Variants in NKAIN3 observed in about 807,000 individuals in gnomAD.
The protein encoded by NKAIN3 is sodium/potassium transporting ATPase interacting 3.
NKAIN3 carries 25 observed loss-of-function variants against 30.2 expected under a neutral mutation model. The observed-to-expected ratio is 0.83, with a 90% CI of 0.60 to 1.16. The LOEUF is 1.16. Ranked by LOEUF, NKAIN3 falls within the 50% of genes most tolerant of loss-of-function variation. The pLI, the probability that NKAIN3 is intolerant of heterozygous loss-of-function variation, is 0.00. For missense variants in NKAIN3, 225 were observed against 254.1 expected, an observed-to-expected ratio of 0.89 and a Z score of 0.78; for synonymous variants, 91 against 89.6, an observed-to-expected ratio of 1.02 and a Z score of -0.09.
chr8:62,901,723 C>T (rs1222229179), intron 4 of NKAIN3, among the ~76,000 whole-genome samples: 8 of 152,200 alleles, frequency 5.3e-5, no homozygotes, highest in East Asian at 1.9e-4. Flanking sequence ...TTCCCTACTA[C>T]GAAACATCCC....
intron 4 of NKAIN3, among the ~76,000 whole-genome samples, chr8:62,859,413 C>A (rs1468572670): frequency 6.7e-6 from 1 of 149,262 alleles, no homozygotes; most frequent in Admixed American, 6.8e-5. Flanking sequence ...AACCTTAGGC[C>A]AAGCTTGTCT....
intron 4 of NKAIN3, among the ~76,000 whole-genome samples, chr8:62,799,822 G>T (rs1460946364): frequency 6.6e-6 from 1 of 152,136 alleles, no homozygotes; most frequent in Non-Finnish European, 1.5e-5. Flanking sequence ...CCAACGAGTG[G>T]ATAGAGAGAA....
chr8:62,615,990 T>A (rs1341608151), intron 3 of NKAIN3, among the ~76,000 whole-genome samples: 2 of 152,164 alleles, frequency 1.3e-5, no homozygotes, highest in African/African-American at 4.8e-5. Flanking sequence ...TAGATAGTTG[T>A]TAACTTGGTG....
At chr8:62,497,571 G>A (rs895620242) in intron 1 of NKAIN3, among the ~76,000 whole-genome samples, 1 of 151,982 alleles carries the variant, frequency 6.6e-6, no homozygotes, top group Non-Finnish European at 1.5e-5. Context: ...TTTTTACTTG[G>A]TTCCAGGTGT....
At chr8:62,640,749 T>C (rs1177171738) in intron 3 of NKAIN3, among the ~76,000 whole-genome samples, 1 of 152,112 alleles carries the variant, frequency 6.6e-6, no homozygotes, top group Admixed American at 6.5e-5. Context: ...GTGGGATTCC[T>C]CTGAGCACCC....
intron 4 of NKAIN3, among the ~76,000 whole-genome samples, chr8:62,800,763 T>C (rs1024177497): frequency 2.0e-5 from 3 of 152,040 alleles, no homozygotes; most frequent in African/African-American, 7.2e-5. Flanking sequence ...AGACAGTGGG[T>C]GCAGGTCAGT....
chr8:62,520,042 A>G (rs558500259), intron 1 of NKAIN3, among the ~76,000 whole-genome samples: 5 of 152,288 alleles, frequency 3.3e-5, no homozygotes, highest in African/African-American at 1.2e-4. Flanking sequence ...CAAACAAGAC[A>G]ATCCAACAAA....
intron 1 of NKAIN3, among the ~76,000 whole-genome samples, chr8:62,484,421 T>C (rs948886493): frequency 6.6e-6 from 1 of 152,222 alleles, no homozygotes; most frequent in Non-Finnish European, 1.5e-5. Flanking sequence ...CACCATTAGT[T>C]GAACTACTTC....
chr8:62,553,539 C>CTTT (rs34367834), intron 1 of NKAIN3, among the ~76,000 whole-genome samples: 5 of 142,922 alleles, frequency 3.5e-5, no homozygotes, highest in African/African-American at 5.1e-5. Context: ...ATACTGAACA[C>CTTT]TTTTTTTTTT....
At chr8:62,673,116 G>T (rs2130392484) in intron 3 of NKAIN3, among the ~76,000 whole-genome samples, 1 of 152,306 alleles carries the variant, frequency 6.6e-6, no homozygotes, top group South Asian at 2.1e-4. Context: ...GATGAGGTGG[G>T]ATTCAACTCC....
At chr8:62,693,384 T>C (rs1335363707) in intron 3 of NKAIN3, among the ~76,000 whole-genome samples, 1 of 152,232 alleles carries the variant, frequency 6.6e-6, no homozygotes, top group Non-Finnish European at 1.5e-5. Flanking sequence ...CCTTTCAATG[T>C]AACTTTTGAC....
At chr8:62,848,442 G>C (rs918769497) in intron 4 of NKAIN3, among the ~76,000 whole-genome samples, 4 of 152,094 alleles carry the variant, frequency 2.6e-5, no homozygotes, top group African/African-American at 9.7e-5. Context: ...TTGTGAATGG[G>C]AGTTCATTTG....
rs561761156 is a variant in NKAIN3, at chr8:62,731,919, C to T, written c.274-15013C>T. On this transcript the variant is annotated intron_variant, in intron 3 of 6. Coordinates refer to ENST00000623646, the MANE Select transcript of NKAIN3 (RefSeq NM_001304533.3). ...TAGGAAACCCTACATAAGACAACTA[C>T]GAACAATGTAACTCCAGAGGGAGGT... Among the ~76,000 whole-genome samples, 49 of 152,176 alleles carry T rather than the reference C, an allele frequency of 3.2e-4. 1 individual carries two copies. Among genetic ancestry groups the T allele is most frequent in the Non-Finnish European group, 5.7e-4 (39 of 67,990 alleles).
Position 62,477,556 on chromosome 8 carries a change from G to A in NKAIN3, c.55-101983G>A, listed in dbSNP as rs146698804. 2.1e-3 allele frequency among the ~76,000 whole-genome samples: 317 copies of A among 152,192 alleles called. 2 individuals are homozygous for A. Among genetic ancestry groups the A allele is most frequent in the African/African-American group, 7.2e-3 (300 of 41,524 alleles). ...TTGCTTATGGCCATTCCTTTTATATGTGCATATATGGAGCTTCCTTGGGTG... is the reference window on the plus strand; with the variant it reads ...TTGCTTATGGCCATTCCTTTTATATATGCATATATGGAGCTTCCTTGGGTG... On this transcript the variant is annotated intron_variant, in intron 1 of 6. Coordinates refer to ENST00000623646, the MANE Select transcript of NKAIN3 (RefSeq NM_001304533.3).
intron 1 of NKAIN3, among the ~76,000 whole-genome samples, chr8:62,477,958 T>C (rs979240429): frequency 6.6e-6 from 1 of 152,206 alleles, no homozygotes; most frequent in Admixed American, 6.5e-5. Context: ...AACATAATTA[T>C]TTTTATGTGA....
intron 4 of NKAIN3, among the ~76,000 whole-genome samples, chr8:62,832,025 T>TA (rs1252252008): frequency 1.3e-5 from 2 of 151,926 alleles, no homozygotes. Flanking sequence ...GACATCTCAG[T>TA]AAAAAATATA....
intron 1 of NKAIN3, among the ~76,000 whole-genome samples, chr8:62,322,975 A>T (rs1012510921): frequency 1.3e-5 from 2 of 152,218 alleles, no homozygotes; most frequent in African/African-American, 4.8e-5. Flanking sequence ...ATTAAAACAA[A>T]GAGATATCAT....
At chr8:62,883,457 G>GTTGTTGTTGTTTTTTTTTTTTTTTTTT in intron 4 of NKAIN3, among the ~76,000 whole-genome samples, 1 of 70,226 alleles carries the variant, frequency 1.4e-5, no homozygotes, top group African/African-American at 7.0e-5. Context: ...AGTTTTATGG[G>GTTGTTGTTGTTTTTTTTTTTTTTTTTT]TTTTTTTTTT....
chr8:62,524,061 T>C (rs1284822238), intron 1 of NKAIN3, among the ~76,000 whole-genome samples: 3 of 152,082 alleles, frequency 2.0e-5, no homozygotes, highest in Non-Finnish European at 4.4e-5. Context: ...TAATTACTTT[T>C]ATATAATATT....
Sources: gnomAD v4.1 joint callset for allele counts (sites outside exome capture counted in the v4.1 genomes callset) on GRCh38, gnomAD v4.1.1 for gene constraint, MANE v1.5 for transcripts, NCBI Gene and HGNC (gene_info 2026-07-23, HGNC 2026-07-21) for gene names.